The following DYNLT5 variants were observed in gnomAD, a reference collection of about 807,000 sequenced individuals.
DYNLT5 encodes dynein light chain Tctex-type 5.
In DYNLT5, 25 loss-of-function variants were observed where a neutral mutation model predicts 19.3. The ratio of observed to expected loss-of-function variants is 1.30; its 90% CI spans 0.95 to 1.81. DYNLT5 has a LOEUF of 1.81. Ranked by LOEUF, DYNLT5 falls within the 40% of genes most tolerant of loss-of-function variation. DYNLT5 has a pLI of 0.00. For synonymous variants in DYNLT5, 82 were observed against 68.9 expected, an observed-to-expected ratio of 1.19 and a Z score of -0.94; for missense variants, 232 against 217.9, an observed-to-expected ratio of 1.06 and a Z score of -0.41.
intron 2 of DYNLT5, among the ~76,000 whole-genome samples, chr1:66,768,212 A>T (rs1263795384): frequency 6.6e-6 from 1 of 152,210 alleles, no homozygotes; most frequent in East Asian, 1.9e-4. Context: ...ATGGAAAGTT[A>T]TCCATGATAC....
rs1457348571 is a variant in DYNLT5, at chr1:66,752,476, C to A, written c.-112C>A. On this transcript the variant is annotated 5_prime_UTR_variant, in exon 1 of 5. Transcript: ENST00000282670. ...CCGGCCTCAGAGTCCAGGGAGAGTG[C>A]GCGGGCGGCCGCCGGCTGAATGAAG... The A allele has an allele frequency of 1.6e-5, 16 of 985,388 alleles. No homozygotes were observed. Among genetic ancestry groups the A allele is most frequent in the African/African-American group, 3.5e-5 (2 of 57,256 alleles). 61.0% of individuals were successfully genotyped at this position (985,388 alleles called of 1,614,324 possible).
intron 2 of DYNLT5, among the ~76,000 whole-genome samples, chr1:66,756,741 AC>A (rs2094636652): frequency 6.6e-6 from 1 of 152,200 alleles, no homozygotes; most frequent in Non-Finnish European, 1.5e-5. Context: ...ACTATGAGAT[AC>A]AAAGTCCACA....
intron 1 of DYNLT5, among the ~76,000 whole-genome samples, chr1:66,753,176 C>T (rs115631286): frequency 3.3e-4 from 51 of 152,272 alleles, no homozygotes; most frequent in African/African-American, 1.1e-3. Flanking sequence ...ACGCTGCCTG[C>T]CTCACCCACA....
At chr1:66,774,058 G>T (rs148669631) in intron 3 of DYNLT5, among the ~76,000 whole-genome samples, 1 of 151,898 alleles carries the variant, frequency 6.6e-6, no homozygotes, top group Non-Finnish European at 1.5e-5. Context: ...TAATCTAAGC[G>T]AAGTATGGAA....
chr1:66,754,021 G>A (rs2094631763), intron 1 of DYNLT5, among the ~76,000 whole-genome samples: 1 of 152,050 alleles, frequency 6.6e-6, no homozygotes, highest in Non-Finnish European at 1.5e-5. Context: ...GCTGAAGCAG[G>A]ATTGCTTGAT....
At position 66,774,474 on chromosome 1, in the gene DYNLT5, C is replaced by A. The variant is rs144202312; in HGVS notation, c.212-1805C>A. Among the ~76,000 whole-genome samples the A allele has an allele frequency of 1.6e-3, 240 of 152,118 alleles. 3 individuals are homozygous for A. In the East Asian group the frequency reaches 0.029, roughly 19 times the overall value. ...TGGAATTCAACAATTTCTATATTAT[C>A]ATCAAAATAAAAATAACGATTTATA... On this transcript the variant is annotated intron_variant, in intron 3 of 4. Transcript: ENST00000282670.
chr1:66,758,362 T>A (rs2094640139), intron 2 of DYNLT5, among the ~76,000 whole-genome samples: 1 of 152,112 alleles, frequency 6.6e-6, no homozygotes, highest in Non-Finnish European at 1.5e-5. Flanking sequence ...AGCTATGAGG[T>A]CAAGTTACTT....
At chr1:66,763,213 T>C (rs536772553) in intron 2 of DYNLT5, among the ~76,000 whole-genome samples, 4 of 152,330 alleles carry the variant, frequency 2.6e-5, no homozygotes, top group African/African-American at 9.6e-5. Context: ...GCAGTAGGTC[T>C]CAACAGTGGG....
chr1:66,763,621 C>T (rs573628576), intron 2 of DYNLT5, among the ~76,000 whole-genome samples: 94 of 152,362 alleles, frequency 6.2e-4, no homozygotes, highest in African/African-American at 2.1e-3. Context: ...TCACCTTGCA[C>T]TTTTATGTTA....
intron 4 of DYNLT5, 130 bp from the exon 5 acceptor site, chr1:66,777,121 A>G: frequency 1.2e-6 from 1 of 801,568 alleles, no homozygotes; most frequent in Non-Finnish European, 1.9e-6. Context: ...TTACGGTTCT[A>G]AAACAATCAC....
At chr1:66,762,551 T>G (rs2094647834) in intron 2 of DYNLT5, among the ~76,000 whole-genome samples, 1 of 152,232 alleles carries the variant, frequency 6.6e-6, no homozygotes. Flanking sequence ...CCTGTTAATG[T>G]TGACACTTTG....
chr1:66,776,755 G>A (rs762132226), intron 4 of DYNLT5, among the ~76,000 whole-genome samples: 99 of 152,230 alleles, frequency 6.5e-4, no homozygotes, highest in Middle Eastern at 3.4e-3. Context: ...AGACATTGTG[G>A]TCTTCAAGCA....
rs1000765689 is a variant in DYNLT5 at position 66,768,708 on chromosome 1, G to A, written c.120-1679G>A. On this transcript the variant is annotated intron_variant, in intron 2 of 4. Transcript: ENST00000282670. ...TTCTTCTCCATGAATTTTTAATATGGTGTTCAGTAGAAAAGAAATTGAGTT... is the reference window on the plus strand; with the variant it reads ...TTCTTCTCCATGAATTTTTAATATGATGTTCAGTAGAAAAGAAATTGAGTT... The A allele has an allele frequency of 3.3e-5, 5 of 152,122 alleles. No individual in the cohort carries two copies. In the South Asian group the frequency reaches 8.3e-4, roughly 25 times the overall value. 9.4% of individuals were successfully genotyped at this position (152,122 alleles called of 1,614,324 possible).
intron 2 of DYNLT5, 109 bp downstream of exon 2, chr1:66,754,886 C>T: frequency 4.1e-6 from 5 of 1,208,128 alleles, no homozygotes; most frequent in South Asian, 2.0e-5. Flanking sequence ...ATAAAATGGG[C>T]AAGTACAAGG....
chr1:66,767,854 T>C (rs1392060559), intron 2 of DYNLT5, among the ~76,000 whole-genome samples: 1 of 152,144 alleles, frequency 6.6e-6, no homozygotes, highest in Non-Finnish European at 1.5e-5. Context: ...GCTGCATTAG[T>C]TCTTTTGAGG....
intron 2 of DYNLT5, among the ~76,000 whole-genome samples, chr1:66,765,249 T>G (rs376114903): frequency 2.0e-5 from 3 of 152,212 alleles, no homozygotes; most frequent in African/African-American, 7.2e-5. Flanking sequence ...TAAATGATAC[T>G]ATATTTATAA....
At chr1:66,766,792 A>G (rs1332159411) in intron 2 of DYNLT5, among the ~76,000 whole-genome samples, 5 of 152,118 alleles carry the variant, frequency 3.3e-5, no homozygotes, top group Admixed American at 2.0e-4. Context: ...AACATTTCCT[A>G]TACTTTTTTA....
At chr1:66,761,755 G>A (rs1055924038) in intron 2 of DYNLT5, among the ~76,000 whole-genome samples, 1 of 152,116 alleles carries the variant, frequency 6.6e-6, no homozygotes, top group Non-Finnish European at 1.5e-5. Flanking sequence ...TCCAGCCTGG[G>A]CAACAGAGAG....
Position 66,777,704 on chromosome 1 carries a change from T to C in DYNLT5, c.*250T>C, listed in dbSNP as rs921484687. On this transcript the variant is annotated 3_prime_UTR_variant, in exon 5 of 5. Coordinates refer to ENST00000282670, the MANE Select transcript of DYNLT5 (RefSeq NM_152665.3). ...CTGGATTGCTTTCCATAGACATAGATTCTTATTAAATATTTGTTTTGGTAC... is the reference window on the plus strand; with the variant it reads ...CTGGATTGCTTTCCATAGACATAGACTCTTATTAAATATTTGTTTTGGTAC... 3.1e-6 allele frequency: 1 copy of C among 322,012 alleles called. No individual in the cohort carries two copies. The highest frequency in any genetic ancestry group is 5.2e-5 in the East Asian group (1 of 19,184). 19.9% of individuals were successfully genotyped at this position (322,012 alleles called of 1,614,324 possible).
Sources: gnomAD v4.1 joint callset for allele counts (sites outside exome capture counted in the v4.1 genomes callset) on GRCh38, gnomAD v4.1.1 for gene constraint, MANE v1.5 for transcripts, NCBI Gene and HGNC (gene_info 2026-07-23, HGNC 2026-07-21) for gene names.